NRG3: variants seen among roughly 807,000 people sequenced by gnomAD.
The protein encoded by NRG3 is neuregulin 3.
NRG3 carries 31 observed loss-of-function variants against 66.9 expected under a neutral mutation model. The observed-to-expected ratio is 0.46, with a 90% CI of 0.35 to 0.63. NRG3 has a LOEUF of 0.63. NRG3 is among the 20% of genes least tolerant of loss of function. The pLI, the probability that NRG3 is intolerant of heterozygous loss-of-function variation, is 0.00. For missense variants in NRG3, 910 were observed against 878.9 expected, an observed-to-expected ratio of 1.04 and a Z score of -0.45; for synonymous variants, 393 against 359.4, an observed-to-expected ratio of 1.09 and a Z score of -1.06.
At chr10:82,918,187 A>G (rs1168127784) in intron 4 of NRG3, among the ~76,000 whole-genome samples, 1 of 151,978 alleles carries the variant, frequency 6.6e-6, no homozygotes, top group East Asian at 1.9e-4. Context: ...GCAAGATTAC[A>G]CACTCAAGAG....
At chr10:82,121,349 G>C (rs1173329227) in intron 1 of NRG3, among the ~76,000 whole-genome samples, 1 of 152,162 alleles carries the variant, frequency 6.6e-6, no homozygotes, top group Admixed American at 6.6e-5. Flanking sequence ...ATCTGCCATT[G>C]TACCTGTAAG....
intron 4 of NRG3, among the ~76,000 whole-genome samples, chr10:82,868,203 A>T (rs963456609): frequency 7.9e-5 from 12 of 152,180 alleles, no homozygotes; most frequent in African/African-American, 2.7e-4. Context: ...GTGTCTGAGG[A>T]CTGCCAGTGG....
chr10:82,782,115 A>G (rs1002484683), intron 3 of NRG3, among the ~76,000 whole-genome samples: 4 of 152,056 alleles, frequency 2.6e-5, no homozygotes, highest in African/African-American at 9.7e-5. Flanking sequence ...CTTCAGTACT[A>G]TGGTTTGAAT....
At chr10:81,921,823 C>G (rs1846279235) in intron 1 of NRG3, among the ~76,000 whole-genome samples, 1 of 152,098 alleles carries the variant, frequency 6.6e-6, no homozygotes, top group African/African-American at 2.4e-5. Flanking sequence ...AACTCCAATA[C>G]AATTTCTAGT....
chr10:82,637,634 A>G (rs2133785346), intron 2 of NRG3, among the ~76,000 whole-genome samples: 1 of 152,284 alleles, frequency 6.6e-6, no homozygotes, highest in African/African-American at 2.4e-5. Context: ...CCACAAAACA[A>G]CTGTCTTGTA....
intron 1 of NRG3, among the ~76,000 whole-genome samples, chr10:81,933,495 T>G (rs1343762770): frequency 6.6e-6 from 1 of 152,164 alleles, no homozygotes; most frequent in Non-Finnish European, 1.5e-5. Flanking sequence ...TTGTTACATA[T>G]GTGTATACAT....
chr10:82,274,765 A>G (rs976022936), intron 1 of NRG3, among the ~76,000 whole-genome samples: 1 of 152,140 alleles, frequency 6.6e-6, no homozygotes, highest in African/African-American at 2.4e-5. Context: ...TGTTGTCCCT[A>G]TGTTTTTGCA....
chr10:82,285,689 G>A lies in NRG3; in HGVS notation c.824-73050G>A, dbSNP rs553001279. 4.6e-5 allele frequency among the ~76,000 whole-genome samples: 7 copies of A among 152,264 alleles called. No individual in the cohort carries two copies. In the East Asian group the frequency reaches 1.4e-3, roughly 30 times the overall value. On this transcript the variant is annotated intron_variant, in intron 1 of 8. Coordinates refer to ENST00000372141, the MANE Select transcript of NRG3 (RefSeq NM_001010848.4). ...AGGGAAGAAAGAAGGGAAGAAAGGA[G>A]GGAAACAGTTGAAGCCACTGGCTGC...
intron 1 of NRG3, among the ~76,000 whole-genome samples, chr10:82,009,738 G>A (rs1185378582): frequency 6.6e-6 from 1 of 152,258 alleles, no homozygotes; most frequent in Middle Eastern, 3.4e-3. Context: ...AATGGACACT[G>A]GCCAAAAGCA....
At chr10:82,074,015 T>C (rs1489969905) in intron 1 of NRG3, among the ~76,000 whole-genome samples, 1 of 151,806 alleles carries the variant, frequency 6.6e-6, no homozygotes, top group Non-Finnish European at 1.5e-5. Context: ...TGAGTATGTG[T>C]GTATATAAAA....
At chr10:82,915,841 C>T (rs1397299602) in intron 4 of NRG3, among the ~76,000 whole-genome samples, 3 of 152,116 alleles carry the variant, frequency 2.0e-5, no homozygotes, top group Non-Finnish European at 4.4e-5. Context: ...GGAATATATA[C>T]ATGCATTTTC....
At chr10:82,213,214 A>G (rs2075490241) in intron 1 of NRG3, among the ~76,000 whole-genome samples, 1 of 152,174 alleles carries the variant, frequency 6.6e-6, no homozygotes, top group Non-Finnish European at 1.5e-5. Flanking sequence ...TCAATTTCTA[A>G]TACGGGTTTA....
intron 6 of NRG3, among the ~76,000 whole-genome samples, chr10:82,970,030 G>C (rs556429011): frequency 6.6e-6 from 1 of 151,948 alleles, no homozygotes; most frequent in South Asian, 2.1e-4. Context: ...ATTCATTTAT[G>C]GACATTTCTA....
intron 3 of NRG3, among the ~76,000 whole-genome samples, chr10:82,787,418 G>A (rs562605021): frequency 1.8e-4 from 27 of 152,112 alleles, no homozygotes; most frequent in Non-Finnish European, 3.5e-4. Context: ...ATGAAGAAAA[G>A]AACAATTATA....
intron 1 of NRG3, among the ~76,000 whole-genome samples, chr10:82,240,546 T>A (rs1037083432): frequency 6.6e-6 from 1 of 152,144 alleles, no homozygotes; most frequent in Non-Finnish European, 1.5e-5. Context: ...GGAAAAAGAC[T>A]TTTCAATCAG....
At position 81,970,647 on chromosome 10, in the gene NRG3, T is replaced by TTG. The variant is rs140075518; in HGVS notation, c.823+94499_823+94500dup. On this transcript the variant is annotated intron_variant, in intron 1 of 8. Transcript: ENST00000372141. ...AGAGGCATGGAGAAGCCAGAAATAT[T>TTG]TGTGTGTGTGTGTGTGGGTGTGTGG... Among the ~76,000 whole-genome samples the TTG allele has an allele frequency of 2.7e-4, 41 of 150,538 alleles. No individual in the cohort carries two copies. In the South Asian group the frequency reaches 3.4e-3, roughly 12 times the overall value.
At position 82,432,592 on chromosome 10, in the gene NRG3, C is replaced by T. The variant is rs189625270; in HGVS notation, c.953+73724C>T. On this transcript the variant is annotated intron_variant, in intron 2 of 8. Transcript: ENST00000372141. ...TGGTGGTTTGCTGCACCTACTGGCCCGTCCTCTAAGTTCCCTCCTGTCATC... is the reference window on the plus strand; with the variant it reads ...TGGTGGTTTGCTGCACCTACTGGCCTGTCCTCTAAGTTCCCTCCTGTCATC... 2.4e-4 allele frequency among the ~76,000 whole-genome samples: 37 copies of T among 151,708 alleles called. 1 individual carries two copies. The East Asian group carries it at 6.6e-3, about 27-fold the overall frequency.
intron 2 of NRG3, among the ~76,000 whole-genome samples, chr10:82,436,083 G>T (rs1245922526): frequency 1.3e-5 from 2 of 152,078 alleles, no homozygotes; most frequent in Non-Finnish European, 2.9e-5. Flanking sequence ...TTCAAGTCAT[G>T]AATATCCTTG....
chr10:82,270,573 C>G (rs80289116), intron 1 of NRG3, among the ~76,000 whole-genome samples: 4 of 151,982 alleles, frequency 2.6e-5, no homozygotes, highest in Non-Finnish European at 5.9e-5. Flanking sequence ...TATATACTCC[C>G]CTTCACTATT....
Sources: gnomAD v4.1 joint callset for allele counts (sites outside exome capture counted in the v4.1 genomes callset) on GRCh38, gnomAD v4.1.1 for gene constraint, MANE v1.5 for transcripts, NCBI Gene and HGNC (gene_info 2026-07-23, HGNC 2026-07-21) for gene names.